The following NFIA variants were observed in gnomAD, a reference collection of about 807,000 sequenced individuals.
NFIA encodes nuclear factor I A, also known as nuclear factor 1 A-type.
A neutral mutation model predicts 62.8 loss-of-function variants in NFIA; 8 were observed. The observed-to-expected ratio is 0.13, with a 90% CI of 0.07 to 0.23. The LOEUF (loss-of-function observed/expected upper bound fraction) is 0.23, where lower values mean the gene tolerates loss of function less well. NFIA is among the 10% of genes least tolerant of loss of function. NFIA has a pLI of 1.00. For synonymous variants in NFIA, 235 were observed against 238.1 expected (o/e 0.99, Z 0.12); for missense variants, 410 against 642.1 (o/e 0.64, Z 3.91).
At chr1:61,313,874 C>A (rs183094825) in intron 3 of NFIA, among the ~76,000 whole-genome samples, 1 of 152,192 alleles carries the variant, frequency 6.6e-6, no homozygotes, top group African/African-American at 2.4e-5. Context: ...TACATTGCTT[C>A]AGTTGAAATC....
At chr1:61,270,444 A>G in intron 2 of NFIA, among the ~76,000 whole-genome samples, 1 of 152,208 alleles carries the variant, frequency 6.6e-6, no homozygotes, top group East Asian at 1.9e-4. Context: ...CTTAAATAGC[A>G]TGTTTACACT....
intron 2 of NFIA, among the ~76,000 whole-genome samples, chr1:61,189,576 A>G (rs1238721566): frequency 6.6e-6 from 1 of 152,034 alleles, no homozygotes; most frequent in Non-Finnish European, 1.5e-5. Context: ...GAGGCAGGGG[A>G]ATTGCTTGAA....
At chr1:61,191,248 GCTTT>G (rs1202556898) in intron 2 of NFIA, among the ~76,000 whole-genome samples, 5 of 151,944 alleles carry the variant, frequency 3.3e-5, no homozygotes, top group African/African-American at 9.7e-5. Context: ...CATAGTCTCT[GCTTT>G]CTTTTAAGGA....
chr1:61,207,842 A>G (rs886889631), intron 2 of NFIA, among the ~76,000 whole-genome samples: 1 of 152,118 alleles, frequency 6.6e-6, no homozygotes, highest in Non-Finnish European at 1.5e-5. Flanking sequence ...TTCCATATTA[A>G]TAACATCCCA....
Position 61,275,064 on chromosome 1 carries a change from G to A in NFIA, c.560-2456G>A, listed in dbSNP as rs547815516. 1.3e-4 allele frequency among the ~76,000 whole-genome samples: 20 copies of A among 152,232 alleles called. No individual in the cohort carries two copies. In the East Asian group the frequency reaches 1.7e-3, roughly 13 times the overall value. On this transcript the variant is annotated intron_variant, in intron 2 of 10. Transcript: ENST00000403491. ...AGTATGCAGTCCTCAGATGGATAGC[G>A]GTGTCTCCAGCTTTTGAATAAAACT...
intron 7 of NFIA, among the ~76,000 whole-genome samples, chr1:61,393,290 T>C (rs58659349): frequency 1.2e-3 from 79 of 63,556 alleles, no homozygotes; most frequent in Admixed American, 1.6e-3. Context: ...TCTCTCTCTC[T>C]CCCTCTTTCT....
intron 8 of NFIA, among the ~76,000 whole-genome samples, chr1:61,405,001 T>C (rs188562518): frequency 7.9e-5 from 12 of 152,332 alleles, no homozygotes; most frequent in Non-Finnish European, 1.5e-4. Context: ...AAGCTGTATC[T>C]CAAGGCCAAT....
At chr1:61,240,523 C>A (rs1266288180) in intron 2 of NFIA, among the ~76,000 whole-genome samples, 1 of 151,178 alleles carries the variant, frequency 6.6e-6, no homozygotes, top group East Asian at 1.9e-4. Flanking sequence ...ACAATGGGGT[C>A]TTTTTTTTAA....
chr1:61,301,089 C>CA (rs1278742399), intron 3 of NFIA, among the ~76,000 whole-genome samples: 2 of 152,124 alleles, frequency 1.3e-5, no homozygotes, highest in African/African-American at 4.8e-5. Flanking sequence ...ACCAGTTCCT[C>CA]AAGGGAAGGA....
At chr1:61,285,875 C>A (rs1052988883) in intron 3 of NFIA, among the ~76,000 whole-genome samples, 1 of 152,138 alleles carries the variant, frequency 6.6e-6, no homozygotes, top group Admixed American at 6.6e-5. Flanking sequence ...AACAATCTTT[C>A]CACGAAGGAA....
At chr1:61,255,689 T>C (rs773284989) in intron 2 of NFIA, among the ~76,000 whole-genome samples, 1 of 152,216 alleles carries the variant, frequency 6.6e-6, no homozygotes, top group Non-Finnish European at 1.5e-5. Flanking sequence ...GGTTTGGTTT[T>C]GGTGGGAAGT....
At chr1:61,112,606 A>T (rs1454501860) in intron 2 of NFIA, among the ~76,000 whole-genome samples, 1 of 152,150 alleles carries the variant, frequency 6.6e-6, no homozygotes, top group Non-Finnish European at 1.5e-5. Context: ...TTTTACCCAG[A>T]TCTTATATGT....
At chr1:61,310,962 C>CT (rs1313464059) in intron 3 of NFIA, among the ~76,000 whole-genome samples, 1 of 152,174 alleles carries the variant, frequency 6.6e-6, no homozygotes, top group African/African-American at 2.4e-5. Context: ...AGGTCCCAGT[C>CT]TTTATCTCTG....
chr1:61,339,170 A>G (rs1315479808), intron 4 of NFIA, among the ~76,000 whole-genome samples: 1 of 152,190 alleles, frequency 6.6e-6, no homozygotes, highest in African/African-American at 2.4e-5. Context: ...TATAAATGGA[A>G]CTCGGCATAA....
At chr1:61,196,400 G>A (rs1651999837) in intron 2 of NFIA, among the ~76,000 whole-genome samples, 1 of 152,102 alleles carries the variant, frequency 6.6e-6, no homozygotes, top group Admixed American at 6.5e-5. Context: ...CCAGCTAAAA[G>A]CTGGTTTAAG....
At chr1:61,285,878 C>T (rs1019377258) in intron 3 of NFIA, among the ~76,000 whole-genome samples, 8 of 152,132 alleles carry the variant, frequency 5.3e-5, no homozygotes, top group African/African-American at 1.7e-4. Flanking sequence ...AATCTTTCCA[C>T]GAAGGAAAGT....
intron 7 of NFIA, among the ~76,000 whole-genome samples, chr1:61,390,740 TAGG>T (rs574784358): frequency 1.7e-4 from 26 of 152,100 alleles, no homozygotes; most frequent in Non-Finnish European, 3.4e-4. Context: ...AGAGGTAAAA[TAGG>T]AGGGTGACAG....
intron 2 of NFIA, among the ~76,000 whole-genome samples, chr1:61,182,293 T>C (rs1650809524): frequency 6.6e-6 from 1 of 152,204 alleles, no homozygotes; most frequent in South Asian, 2.1e-4. Flanking sequence ...TTGCACATGA[T>C]TCACTGGGAT....
intron 10 of NFIA, among the ~76,000 whole-genome samples, chr1:61,436,973 G>A (rs1312334276): frequency 6.6e-6 from 1 of 152,160 alleles, no homozygotes; most frequent in African/African-American, 2.4e-5. Flanking sequence ...GTTAGGACAG[G>A]CTGTTCTGGC....
Sources: allele counts gnomAD v4.1 joint callset (sites outside exome capture counted in the v4.1 genomes callset), GRCh38; gene constraint gnomAD v4.1.1; transcripts MANE v1.5; gene names NCBI Gene and HGNC (gene_info 2026-07-23, HGNC 2026-07-21).